TMEM131: variants seen among roughly 807,000 people sequenced by gnomAD.
TMEM131 encodes transmembrane protein 131.
TMEM131 carries 66 observed loss-of-function variants against 211.6 expected under a neutral mutation model. That is an observed-to-expected ratio of 0.31 (90% CI 0.26 to 0.38). The LOEUF (loss-of-function observed/expected upper bound fraction) is 0.38, where lower values mean the gene tolerates loss of function less well. Among genes scored for constraint, TMEM131 ranks in the 10% least tolerant of loss-of-function variants. The pLI is 1.00. For missense variants in TMEM131, 2,036 were observed against 2,299.3 expected, an observed-to-expected ratio of 0.89 and a Z score of 2.34; for synonymous variants, 844 against 841.3, an observed-to-expected ratio of 1.00 and a Z score of -0.06.
intron 12 of TMEM131, among the ~76,000 whole-genome samples, chr2:97,817,189 A>G (rs1037664732): frequency 1.3e-5 from 2 of 152,214 alleles, no homozygotes; most frequent in Non-Finnish European, 2.9e-5. Context: ...GGTGGTCAAT[A>G]CAGGAGCTAG....
At position 97,772,390 on chromosome 2, in the gene TMEM131, G is replaced by C. The variant is rs372622235; in HGVS notation, c.4355C>G (p.Pro1452Arg). Residue 1452 changes from proline to arginine, a missense_variant, in exon 33 of 41, where the codon CCT becomes CGT. Around this residue, in one of 3 missense-constraint regions of TMEM131, gnomAD observed 1,623 missense variants for 1,805.9 expected, o/e 0.90. Coordinates refer to ENST00000186436, the MANE Select transcript of TMEM131 (RefSeq NM_015348.2). ...TEKQKGKQAM[P>R]EKHESEMSQV... The stretch of plus-strand genomic sequence containing the variant: ...AGACATTTCACTTTCATGTTTTTCA[G>C]GCATGGCTTGTTTTCCCTTTTGCTT... The C allele has an allele frequency of 1.2e-6, 2 of 1,610,890 alleles. No homozygotes were observed. The highest frequency in any genetic ancestry group is 1.6e-4 in the Middle Eastern group (1 of 6,078).
intron 1 of TMEM131, among the ~76,000 whole-genome samples, chr2:97,941,873 G>T (rs1427516839): frequency 6.6e-6 from 1 of 152,174 alleles, no homozygotes; most frequent in African/African-American, 2.4e-5. Context: ...CCACACTGTT[G>T]GTGGGACTGT....
At chr2:97,826,657 A>T (rs1682401182) in intron 11 of TMEM131, among the ~76,000 whole-genome samples, 1 of 152,126 alleles carries the variant, frequency 6.6e-6, no homozygotes, top group Non-Finnish European at 1.5e-5. Context: ...ACAAAGAGGA[A>T]GTCAGAAAGA....
rs866337783 is a variant in TMEM131, at chr2:97,995,642, T to C, written c.21A>G (p.Gly7=). 8.2e-7 allele frequency: 1 copy of C among 1,217,816 alleles called. No homozygotes were observed. Among genetic ancestry groups the C allele is most frequent in the African/African-American group, 1.6e-5 (1 of 63,284 alleles). The allele number at this position is 1,217,816 out of a possible 1,614,324, so 75.4% of individuals were successfully genotyped here. Residue 7 remains glycine (G), a synonymous_variant, in exon 1 of 41, where the codon GGA becomes GGG. Transcript: ENST00000186436. ...CGGCGGTGGTGGCTCCGGTTGCTCCTCCTCCCGCCCGCTTCCCCATCCCTG... is the reference window on the plus strand; with the variant it reads ...CGGCGGTGGTGGCTCCGGTTGCTCCCCCTCCCGCCCGCTTCCCCATCCCTG... MGKRAG[G]GATGATTAAV... is the part of the protein sequence containing the mutation.
At chr2:97,902,897 G>A (rs10183768) in intron 3 of TMEM131, among the ~76,000 whole-genome samples, 52,415 of 151,948 alleles carry the variant, frequency 0.34, 9,952 homozygotes, top group Middle Eastern at 0.49. Context: ...GCCCTTGAAC[G>A]CTGGACTCCC....
chr2:97,782,085 T>C (rs1680035387), intron 31 of TMEM131, among the ~76,000 whole-genome samples: 1 of 152,242 alleles, frequency 6.6e-6, no homozygotes, highest in African/African-American at 2.4e-5. Flanking sequence ...CAGTCAGTAA[T>C]GAACGCCCTT....
At chr2:97,957,496 T>A (rs755025728) in intron 1 of TMEM131, among the ~76,000 whole-genome samples, 8 of 152,208 alleles carry the variant, frequency 5.3e-5, no homozygotes, top group Non-Finnish European at 1.0e-4. Flanking sequence ...CAAGGGATAC[T>A]ATTTTGGTGC....
chr2:97,823,222 A>C (rs557417117), intron 11 of TMEM131, among the ~76,000 whole-genome samples: 1 of 152,156 alleles, frequency 6.6e-6, no homozygotes, highest in East Asian at 1.9e-4. Flanking sequence ...GAAGGAAACA[A>C]GCAAAGAAAT....
At chr2:97,833,567 G>C in intron 10 of TMEM131, 141 bp from the exon 11 acceptor site, 1 of 559,504 alleles carries the variant, frequency 1.8e-6, no homozygotes, top group East Asian at 3.4e-5. Flanking sequence ...GAAACATTAG[G>C]TGGTAATTGC....
In TMEM131 at chr2:97,762,089, C is replaced by G; in HGVS notation, c.4835G>C (p.Cys1612Ser). Residue 1612 changes from cysteine (C) to serine (S), a missense_variant, in exon 36 of 41, where the codon TGC becomes TCC. Cys to Ser is a moderately radical substitution (Grantham distance 112, BLOSUM62 -1). Around this residue, in one of 3 missense-constraint regions of TMEM131, gnomAD observed 1,623 missense variants for 1,805.9 expected, o/e 0.90. Transcript: ENST00000186436. ...GTAGCTGCCCCGGGCCACAAAGGGG[C>G]AGGGGGCAGCTGGGGGAGACGGGGA... is the stretch of plus-strand genomic sequence containing the variant. Reference protein sequence around the residue: ...PASPSPPAAPCPFVARGSYSS... With the variant: ...PASPSPPAAPSPFVARGSYSS... The G allele has an allele frequency of 6.2e-7, 1 of 1,609,508 alleles. No homozygotes were observed. Among genetic ancestry groups the G allele is most frequent in the Non-Finnish European group, 8.5e-7 (1 of 1,177,944 alleles).
chr2:97,975,398 C>T (rs185062429), intron 1 of TMEM131, among the ~76,000 whole-genome samples: 7 of 151,920 alleles, frequency 4.6e-5, no homozygotes, highest in African/African-American at 1.4e-4. Flanking sequence ...AAGAAAAAAA[C>T]GACAGAAAAC....
intron 1 of TMEM131, among the ~76,000 whole-genome samples, chr2:97,940,583 C>T (rs550899303): frequency 4.9e-4 from 74 of 152,106 alleles, no homozygotes; most frequent in African/African-American, 1.6e-3. Flanking sequence ...CCAAGACGGG[C>T]GGATCACGAG....
At chr2:97,911,054 C>A (rs1446131902) in intron 2 of TMEM131, among the ~76,000 whole-genome samples, 1 of 152,146 alleles carries the variant, frequency 6.6e-6, no homozygotes, top group African/African-American at 2.4e-5. Context: ...TTCCACGTAT[C>A]CAGGTGAACA....
At chr2:97,839,107 T>C (rs1683072131) in intron 7 of TMEM131, among the ~76,000 whole-genome samples, 1 of 152,182 alleles carries the variant, frequency 6.6e-6, no homozygotes, top group African/African-American at 2.4e-5. Context: ...CGGGGATCAC[T>C]TGAGCCCAGG....
At chr2:97,963,573 T>G (rs1234293127) in intron 1 of TMEM131, among the ~76,000 whole-genome samples, 1 of 152,098 alleles carries the variant, frequency 6.6e-6, no homozygotes, top group East Asian at 1.9e-4. Flanking sequence ...AAATTAGCTG[T>G]GCTTAGTGGT....
intron 19 of TMEM131, 52 bp downstream of exon 19, chr2:97,809,636 A>C: frequency 7.5e-7 from 1 of 1,326,366 alleles, no homozygotes; most frequent in Admixed American, 1.9e-5. Flanking sequence ...ACAGAGCTAA[A>C]GGCAAAGGCA....
intron 31 of TMEM131, among the ~76,000 whole-genome samples, chr2:97,776,292 G>C (rs1220886550): frequency 3.3e-5 from 5 of 152,024 alleles, no homozygotes; most frequent in Non-Finnish European, 7.4e-5. Flanking sequence ...CTGACCTCGT[G>C]ATCTGCCTGC....
chr2:97,799,834 G>T (rs1294113366), intron 25 of TMEM131, among the ~76,000 whole-genome samples: 2 of 152,140 alleles, frequency 1.3e-5, no homozygotes, highest in African/African-American at 2.4e-5. Flanking sequence ...TAGCAGGTTA[G>T]ATTTTCATTA....
At chr2:97,974,444 A>G (rs935262342) in intron 1 of TMEM131, among the ~76,000 whole-genome samples, 1 of 152,170 alleles carries the variant, frequency 6.6e-6, no homozygotes, top group Admixed American at 6.5e-5. Context: ...TTAAAGAAAT[A>G]GTAAGCAAAA....
Sources: allele counts gnomAD v4.1 joint callset (sites outside exome capture counted in the v4.1 genomes callset), GRCh38; gene constraint gnomAD v4.1.1; regional missense constraint gnomAD v4.1.1; transcripts MANE v1.5; gene names NCBI Gene and HGNC (gene_info 2026-07-23, HGNC 2026-07-21).